ESR1: variants seen among roughly 807,000 people sequenced by gnomAD.
ESR1 encodes estrogen receptor 1, also known as estrogen receptor.
ESR1 carries 12 observed loss-of-function variants against 52.7 expected under a neutral mutation model. The observed-to-expected ratio is 0.23, with a 90% confidence interval of 0.15 to 0.37. The LOEUF (loss-of-function observed/expected upper bound fraction) is 0.37, where lower values mean the gene tolerates loss of function less well. Among genes scored for constraint, ESR1 ranks in the 10% least tolerant of loss-of-function variants. The pLI is 1.00. For missense variants in ESR1, 584 were observed against 779.7 expected, an observed-to-expected ratio of 0.75 and a Z score of 2.99; for synonymous variants, 305 against 316.8, an observed-to-expected ratio of 0.96 and a Z score of 0.39.
intron 2 of ESR1, among the ~76,000 whole-genome samples, chr6:151,849,017 G>A (rs552714174): frequency 6.3e-4 from 96 of 152,070 alleles, no homozygotes; most frequent in African/African-American, 2.1e-3. Flanking sequence ...AGCACATGTG[G>A]TTCCCTTTTT....
intron 3 of ESR1, among the ~76,000 whole-genome samples, chr6:151,909,141 G>A (rs556507787): frequency 3.9e-5 from 6 of 152,232 alleles, no homozygotes; most frequent in South Asian, 2.1e-4. Flanking sequence ...ACTTAGAGAC[G>A]GTTAGCTTAG....
chr6:152,042,055 C>T lies in ESR1; in HGVS notation c.1236-18936C>T, dbSNP rs1036267151. On this transcript the variant is annotated intron_variant, in intron 5 of 7. Transcript: ENST00000206249. The stretch of plus-strand genomic sequence containing the variant: ...AGTTGAACGGGGATGTGGTGGGAAT[C>T]GCCACCCCTGCATCTTTGAAGTCCT... Among the ~76,000 whole-genome samples the T allele has an allele frequency of 5.9e-5, 9 of 152,336 alleles. No homozygotes were observed. In the East Asian group the frequency reaches 7.7e-4, roughly 13 times the overall value.
At position 152,103,170 on chromosome 6, in the gene ESR1, T is replaced by C. The variant is rs957365107; in HGVS notation, c.*4204T>C. The C allele has an allele frequency of 9.8e-6, 2 of 203,848 alleles. No individual in the cohort carries two copies. Among genetic ancestry groups the C allele is most frequent in the African/African-American group, 4.6e-5 (2 of 43,690 alleles). The allele number at this position is 203,848 out of a possible 1,614,324, so 12.6% of individuals were successfully genotyped here. On this transcript the variant is annotated 3_prime_UTR_variant, in exon 8 of 8. Coordinates refer to ENST00000206249, the MANE Select transcript of ESR1 (RefSeq NM_000125.4). ...CTTTGCTTTGTTTAATGAAACACACTTGTAAACCTCTTTTGCACTTTGAAA... is the reference window on the plus strand; with the variant it reads ...CTTTGCTTTGTTTAATGAAACACACCTGTAAACCTCTTTTGCACTTTGAAA...
At chr6:151,857,151 C>A (rs1344669652) in intron 2 of ESR1, among the ~76,000 whole-genome samples, 1 of 152,122 alleles carries the variant, frequency 6.6e-6, no homozygotes, top group East Asian at 1.9e-4. Context: ...ATGGATTCAA[C>A]CGACTGCAAA....
intron 1 of ESR1, among the ~76,000 whole-genome samples, chr6:151,693,677 G>A (rs1779110629): frequency 1.3e-5 from 2 of 152,150 alleles, no homozygotes; most frequent in African/African-American, 4.8e-5. Context: ...GAGTGCAGTG[G>A]TGCTTTCTCA....
chr6:151,692,171 T>C (rs2115351059), intron 1 of ESR1, among the ~76,000 whole-genome samples: 1 of 152,368 alleles, frequency 6.6e-6, no homozygotes, highest in South Asian at 2.1e-4. Context: ...AAAGTCCAAC[T>C]ATCTTTCGTT....
intron 5 of ESR1, among the ~76,000 whole-genome samples, chr6:152,057,694 TACACACACACAC>T (rs10560254): frequency 2.3e-4 from 33 of 145,774 alleles, no homozygotes; most frequent in African/African-American, 6.0e-4. Flanking sequence ...TACACATGCA[TACACACACACAC>T]ACACACACAC....
intron 6 of ESR1, among the ~76,000 whole-genome samples, chr6:152,087,303 G>A (rs1424745251): frequency 6.6e-6 from 1 of 152,130 alleles, no homozygotes; most frequent in East Asian, 1.9e-4. Context: ...CCTTAAGAAT[G>A]TAGGAAATGG....
rs201842698 is a variant in ESR1 at position 152,030,333 on chromosome 6, ACAGACTGG to A, written c.1235+18542_1235+18549del. Among the ~76,000 whole-genome samples the A allele has an allele frequency of 7.0e-3, 1,064 of 152,252 alleles. 13 individuals are homozygous for A. The highest frequency in any genetic ancestry group is 0.024 in the African/African-American group (1,004 of 41,508). Reference sequence around the variant, plus strand: ...GGGCTAAATGCTTCAATTAAAAGACACAGACTGGCAAATTGGATAAAGAGTCAAGACCC... The same window carrying A: ...GGGCTAAATGCTTCAATTAAAAGACACAAATTGGATAAAGAGTCAAGACCC... On this transcript the variant is annotated intron_variant, in intron 5 of 7. Transcript: ENST00000206249.
intron 2 of ESR1, among the ~76,000 whole-genome samples, chr6:151,742,419 C>A (rs1327338439): frequency 6.6e-6 from 1 of 152,160 alleles, no homozygotes; most frequent in Non-Finnish European, 1.5e-5. Context: ...CCAACACTTG[C>A]TATTTCTTGT....
At chr6:152,072,133 C>G (rs149231938) in intron 6 of ESR1, among the ~76,000 whole-genome samples, 2 of 152,354 alleles carry the variant, frequency 1.3e-5, no homozygotes, top group African/African-American at 4.8e-5. Context: ...TCAGGAATTT[C>G]TACATAGATC....
intron 2 of ESR1, among the ~76,000 whole-genome samples, chr6:151,753,913 T>A (rs1251351736): frequency 3.9e-5 from 6 of 152,156 alleles, no homozygotes; most frequent in African/African-American, 1.4e-4. Flanking sequence ...GTTCTGTGGG[T>A]GACATCAGCC....
At chr6:152,114,423 C>T (rs1214523672) in intron 6 of ESR1, among the ~76,000 whole-genome samples, 1 of 152,094 alleles carries the variant, frequency 6.6e-6, no homozygotes. Flanking sequence ...ATTCATAAAT[C>T]CCCCAGTCAG....
intron 1 of ESR1, among the ~76,000 whole-genome samples, chr6:151,678,888 T>C (rs1778352389): frequency 6.6e-6 from 1 of 151,974 alleles, no homozygotes; most frequent in South Asian, 2.1e-4. Context: ...GGTTTCACAC[T>C]GTTGACCAGG....
intron 1 of ESR1, among the ~76,000 whole-genome samples, chr6:151,672,124 C>T (rs886119568): frequency 6.6e-6 from 1 of 151,284 alleles, no homozygotes; most frequent in Admixed American, 6.6e-5. Flanking sequence ...TGAGCCACTG[C>T]ACCTGGACAA....
chr6:151,876,508 C>T (rs1791843266), intron 2 of ESR1, among the ~76,000 whole-genome samples: 1 of 152,144 alleles, frequency 6.6e-6, no homozygotes. Context: ...TATGTACGGG[C>T]CATTATTTAT....
intron 5 of ESR1, among the ~76,000 whole-genome samples, chr6:152,016,326 G>A (rs962788230): frequency 2.0e-5 from 3 of 152,136 alleles, no homozygotes; most frequent in Middle Eastern, 3.4e-3. Flanking sequence ...GATGAGGAAT[G>A]TGTATAAATA....
chr6:151,951,418 C>T (rs933511380), intron 4 of ESR1, among the ~76,000 whole-genome samples: 1 of 152,174 alleles, frequency 6.6e-6, no homozygotes, highest in East Asian at 1.9e-4. Flanking sequence ...TTATTTTTTC[C>T]AATTCTGAAA....
At chr6:151,690,181 T>C (rs970050028), upstream of ESR1, among the ~76,000 whole-genome samples, 7 of 152,342 alleles carry the variant, frequency 4.6e-5, no homozygotes, top group South Asian at 2.1e-4. Flanking sequence ...TAGCTAACTT[T>C]GGATTAACAA....
Sources: gnomAD v4.1 joint callset for allele counts (sites outside exome capture counted in the v4.1 genomes callset) on GRCh38, gnomAD v4.1.1 for gene constraint, MANE v1.5 for transcripts, NCBI Gene and HGNC (gene_info 2026-07-23, HGNC 2026-07-21) for gene names.